NELL2: variants seen among roughly 807,000 people sequenced by gnomAD.
The protein encoded by NELL2 is protein kinase C-binding protein NELL2.
NELL2 carries 41 observed loss-of-function variants against 109.6 expected under a neutral mutation model. The observed-to-expected ratio is 0.37, with a 90% confidence interval of 0.29 to 0.49. NELL2 has a LOEUF of 0.49. Among genes scored for constraint, NELL2 ranks in the 20% least tolerant of loss-of-function variants. NELL2 has a pLI of 0.98. For missense variants in NELL2, 900 were observed against 1,008.3 expected, an observed-to-expected ratio of 0.89 and a Z score of 1.45; for synonymous variants, 355 against 344.7, an observed-to-expected ratio of 1.03 and a Z score of -0.33.
chr12:44,818,649 A>C (rs568158808), intron 2 of NELL2, among the ~76,000 whole-genome samples: 2 of 152,048 alleles, frequency 1.3e-5, no homozygotes, highest in East Asian at 3.9e-4. Flanking sequence ...GAACTTTATT[A>C]AATGTCTATA....
At chr12:44,694,604 CTT>C (rs201806337) in intron 12 of NELL2, among the ~76,000 whole-genome samples, 1 of 144,846 alleles carries the variant, frequency 6.9e-6, no homozygotes, top group Non-Finnish European at 1.5e-5. Context: ...TATCCTTAGA[CTT>C]TTTTTTTTTT....
intron 15 of NELL2, among the ~76,000 whole-genome samples, chr12:44,586,203 T>C (rs1009723506): frequency 3.4e-5 from 5 of 148,372 alleles, no homozygotes; most frequent in African/African-American, 1.2e-4. Context: ...ATACATATAT[T>C]TATATATATA....
chr12:44,519,932 AGAG>A, intron 19 of NELL2, 70 bp downstream of exon 19: 1 of 1,293,022 alleles, frequency 7.7e-7, no homozygotes, highest in Non-Finnish European at 1.1e-6. Context: ...TTGTCCAGGT[AGAG>A]CACATTATTA....
intron 13 of NELL2, among the ~76,000 whole-genome samples, chr12:44,642,776 G>C (rs569075266): frequency 2.8e-4 from 43 of 152,268 alleles, no homozygotes; most frequent in African/African-American, 9.9e-4. Flanking sequence ...CAGCTACTTG[G>C]GAGGCTGAGG....
chr12:44,838,904 T>C (rs1417482176), intron 2 of NELL2, among the ~76,000 whole-genome samples: 4 of 152,162 alleles, frequency 2.6e-5, no homozygotes, highest in East Asian at 3.8e-4. Flanking sequence ...TGTAAGTGAG[T>C]TCATCAGCTA....
intron 9 of NELL2, among the ~76,000 whole-genome samples, chr12:44,751,289 T>C (rs1455742781): frequency 1.3e-5 from 2 of 152,178 alleles, no homozygotes; most frequent in Non-Finnish European, 2.9e-5. Flanking sequence ...ACTAATTAAG[T>C]TGGTTTTTCC....
At chr12:44,610,481 A>C (rs1945577737) in intron 14 of NELL2, among the ~76,000 whole-genome samples, 1 of 152,064 alleles carries the variant, frequency 6.6e-6, no homozygotes, top group African/African-American at 2.4e-5. Context: ...CTGGAAGAAG[A>C]GGAACTTGGG....
At chr12:44,574,387 C>T (rs937273550) in intron 15 of NELL2, among the ~76,000 whole-genome samples, 2 of 152,080 alleles carry the variant, frequency 1.3e-5, no homozygotes, top group Non-Finnish European at 2.9e-5. Flanking sequence ...GAACAAAAAT[C>T]TGGTGGGGTA....
At chr12:44,623,487 T>A (rs750172197) in intron 13 of NELL2, among the ~76,000 whole-genome samples, 13 of 152,140 alleles carry the variant, frequency 8.5e-5, no homozygotes, top group African/African-American at 2.4e-4. Context: ...TATATCATAT[T>A]TTTTTAAAGA....
intron 2 of NELL2, among the ~76,000 whole-genome samples, chr12:44,865,827 A>T (rs866690100): frequency 7.4e-4 from 5 of 6,716 alleles, no homozygotes; most frequent in Non-Finnish European, 2.6e-3. Context: ...AAAAAAAATT[A>T]AAAAAAAAAA....
rs533673642 is a variant in NELL2, at chr12:44,688,085, T to C, written c.1318+15641A>G. On this transcript the variant is annotated intron_variant, in intron 12 of 19. Coordinates refer to ENST00000429094, the MANE Select transcript of NELL2 (RefSeq NM_001145108.2). The stretch of plus-strand genomic sequence containing the variant: ...TACAGAAAAATAACATGAATCCCCA[T>C]AGTAAAATTTAAAGACTTGTCATAT... Among the ~76,000 whole-genome samples, 12 of 152,302 alleles carry C rather than the reference T, an allele frequency of 7.9e-5. No homozygotes were observed. The South Asian group carries it at 2.5e-3, about 32-fold the overall frequency.
intron 9 of NELL2, among the ~76,000 whole-genome samples, chr12:44,728,900 G>GAA (rs1411447021): frequency 6.6e-6 from 1 of 151,838 alleles, no homozygotes; most frequent in Non-Finnish European, 1.5e-5. Flanking sequence ...CAAAAATTAG[G>GAA]AAAAAATAAA....
rs1180129986 is a variant in NELL2 at position 44,644,608 on chromosome 12, GTA to G, written c.1444+20874_1444+20875del. ...TATATATATATATATATATATGTATGTATATATATATATATATACATACATAT... is the reference window on the plus strand; with the variant it reads ...TATATATATATATATATATATGTATGTATATATATATATATACATACATAT... On this transcript the variant is annotated intron_variant, in intron 13 of 19. Transcript: ENST00000429094. Among the ~76,000 whole-genome samples, 608 of 90,444 alleles carry G rather than the reference GTA, an allele frequency of 6.7e-3. 6 individuals are homozygous for G. Among genetic ancestry groups the G allele is most frequent in the Non-Finnish European group, 8.9e-3 (439 of 49,546 alleles). 59.3% of individuals were successfully genotyped at this position (90,444 alleles called of 152,430 possible). A position where few individuals can be genotyped will look rare whatever the true frequency, so the allele number is the denominator to read the frequency against.
Position 44,905,838 on chromosome 12 carries a change from T to C in NELL2, c.38+7961A>G, listed in dbSNP as rs564036970. 3.3e-5 allele frequency among the ~76,000 whole-genome samples: 5 copies of C among 151,170 alleles called. 1 individual carries two copies. The East Asian group carries it at 9.6e-4, about 29-fold the overall frequency. On this transcript the variant is annotated intron_variant, in intron 1 of 20. Coordinates refer to the NELL2 transcript ENST00000333837. ...TATACATATATTCATTTAATTAATG[T>C]TTAATGAAGGCCTACTATGCAACAG...
chr12:44,607,164 C>A lies in NELL2; in HGVS notation c.1663+5G>T, dbSNP rs1256638245. The A allele has an allele frequency of 6.8e-6, 11 of 1,608,828 alleles. No individual in the cohort carries two copies. In the Admixed American group the frequency reaches 8.4e-5, roughly 12 times the overall value. ...ATTTTCTAGAAGATGAAATGATATT[C>A]TTACCCGTTTCACAGCTGGGTCCAG... On this transcript the variant is annotated splice_donor_5th_base_variant and intron_variant, in intron 15 of 19. Coordinates refer to ENST00000429094, the MANE Select transcript of NELL2 (RefSeq NM_001145108.2).
At chr12:44,790,091 A>G (rs1942325072) in intron 3 of NELL2, among the ~76,000 whole-genome samples, 1 of 152,204 alleles carries the variant, frequency 6.6e-6, no homozygotes, top group Non-Finnish European at 1.5e-5. Context: ...GCCTTGCTGG[A>G]GACCTAGACA....
intron 13 of NELL2, among the ~76,000 whole-genome samples, chr12:44,626,123 G>A (rs938939110): frequency 3.3e-5 from 5 of 151,974 alleles, no homozygotes; most frequent in Admixed American, 2.0e-4. Flanking sequence ...CAGTTAATAC[G>A]CAAACATATT....
chr12:44,774,808 A>G lies in NELL2; in HGVS notation c.933T>C (p.Pro311=). 2 of 1,614,196 alleles carry G rather than the reference A, an allele frequency of 1.2e-6. No individual in the cohort carries two copies. The highest frequency in any genetic ancestry group is 1.7e-6 in the Non-Finnish European group (2 of 1,180,016). Residue 311 remains proline (P), a synonymous_variant, in exon 9 of 20, where the codon CCT becomes CCC. Transcript: ENST00000429094. ...IQCETLICPN[P]DCPLKSALAY... is the part of the protein sequence containing the mutation. ...CAAGAGCCGACTTAAGTGGGCAGTC[A>G]GGATTTGGGCAGATTAGAGTTTCAC...
intron 15 of NELL2, among the ~76,000 whole-genome samples, chr12:44,564,982 A>G (rs1186293784): frequency 6.6e-6 from 1 of 152,128 alleles, no homozygotes; most frequent in Non-Finnish European, 1.5e-5. Context: ...GGACCCCCTG[A>G]ATCAGAATCC....
Sources: allele counts gnomAD v4.1 joint callset (sites outside exome capture counted in the v4.1 genomes callset), GRCh38; gene constraint gnomAD v4.1.1; transcripts MANE v1.5; gene names NCBI Gene and HGNC (gene_info 2026-07-23, HGNC 2026-07-21).